Variants in PIK3C2B observed in about 807,000 individuals in gnomAD.
PIK3C2B encodes the protein phosphatidylinositol-4-phosphate 3-kinase catalytic subunit type 2 beta, also known as phosphatidylinositol 4-phosphate 3-kinase C2 domain-containing subunit beta.
A neutral mutation model predicts 184.3 loss-of-function variants in PIK3C2B; 83 were observed. That is an observed-to-expected ratio of 0.45 (90% CI 0.38 to 0.54). The LOEUF is 0.54. Ranked by LOEUF, PIK3C2B falls within the 20% of genes least tolerant of loss-of-function variation. The pLI, the probability that PIK3C2B is intolerant of heterozygous loss-of-function variation, is 0.00. For synonymous variants in PIK3C2B, 779 were observed against 837.6 expected (o/e 0.93, Z 1.21); for missense variants, 1,736 against 2,113.5 (o/e 0.82, Z 3.50).
At chr1:204,486,670 C>A (rs1292926881) in intron 1 of PIK3C2B, among the ~76,000 whole-genome samples, 2 of 152,138 alleles carry the variant, frequency 1.3e-5, no homozygotes, top group African/African-American at 4.8e-5. Flanking sequence ...ACAGAGGTTG[C>A]AATGACCCGA....
Position 204,427,734 on chromosome 1 carries a change from C to A in PIK3C2B, c.4501G>T (p.Val1501Phe). The A allele has an allele frequency of 6.2e-7, 1 of 1,613,764 alleles. No homozygotes were observed. Among genetic ancestry groups the A allele is most frequent in the Non-Finnish European group, 8.5e-7 (1 of 1,179,638 alleles). Residue 1501 changes from valine to phenylalanine, a missense_variant, in exon 31 of 33, where the codon GTC becomes TTC. Transcript: ENST00000684373. ...KSSDGTWARP[V>F]GKVGGEVKLS... ...TTCACCTCCCCTCCCACCTTTCCGA[C>A]GGGCCGGGCCCATGTGCCATCTGTA...
chr1:204,474,507 T>C (rs532751911), intron 1 of PIK3C2B, among the ~76,000 whole-genome samples: 1 of 152,228 alleles, frequency 6.6e-6, no homozygotes, highest in Non-Finnish European at 1.5e-5. Context: ...ACATTGCTGC[T>C]GTATTTGGCT....
intron 1 of PIK3C2B, among the ~76,000 whole-genome samples, chr1:204,484,858 CA>C (rs1011734892): frequency 5.9e-5 from 9 of 151,962 alleles, no homozygotes; most frequent in East Asian, 5.8e-4. Context: ...TAAAAATAAA[CA>C]AACAAGCAAA....
At chr1:204,461,432 C>T (rs971897407) in intron 5 of PIK3C2B, among the ~76,000 whole-genome samples, 2 of 152,156 alleles carry the variant, frequency 1.3e-5, no homozygotes, top group Non-Finnish European at 2.9e-5. Flanking sequence ...GGGAGAACTA[C>T]CTCCAGGCCA....
rs150598616 is a variant in PIK3C2B at position 204,451,827 on chromosome 1, C to T, written c.2067-1810G>A. The stretch of plus-strand genomic sequence containing the variant: ...CTGTCAGTCACTTGGAACAGAGAAA[C>T]CAAAACCAAGAGGGCTCCCCAGCTA... On this transcript the variant is annotated intron_variant, in intron 12 of 32. Coordinates refer to ENST00000684373, the MANE Select transcript of PIK3C2B (RefSeq NM_001377334.1). Among the ~76,000 whole-genome samples the T allele has an allele frequency of 7.6e-4, 115 of 152,298 alleles. No homozygotes were observed. The East Asian group carries it at 0.015, about 20-fold the overall frequency.
rs190343044 is a variant in PIK3C2B, at chr1:204,466,828, C to A, written c.934-1509G>T. ...CCCGATGCTGGCTGGGGGAGTCTGC[C>A]GGGCAGAGGCTGGCAGCAGGGGTAT... On this transcript the variant is annotated intron_variant, in intron 2 of 32. Coordinates refer to ENST00000684373, the MANE Select transcript of PIK3C2B (RefSeq NM_001377334.1). The A allele has an allele frequency of 5.6e-6, 3 of 532,088 alleles. No individual in the cohort carries two copies. The Admixed American group carries it at 5.8e-5, about 10-fold the overall frequency. The allele number at this position is 532,088 out of a possible 1,614,324, so 33.0% of individuals were successfully genotyped here. A position where few individuals can be genotyped will look rare whatever the true frequency, so the allele number is the denominator to read the frequency against.
chr1:204,455,353 C>T (rs1271821016), intron 11 of PIK3C2B, among the ~76,000 whole-genome samples: 1 of 142,050 alleles, frequency 7.0e-6, no homozygotes, highest in South Asian at 2.5e-4. Context: ...CCGGCAGGGG[C>T]GGGGTAGGGC....
chr1:204,454,686 G>A lies in PIK3C2B; in HGVS notation c.2049C>T (p.Leu683=). The part of the protein sequence containing the change: ...RAHFSKYLFH[L]IVWDQQICFP... ...GGGCTTACTGCTGGTCCCAGACGAT[G>A]AGGTGGAAGAGGTACTTGGAGAAGT... is the stretch of plus-strand genomic sequence containing the variant. The change falls in exon 12 of 33, where the codon CTC becomes CTT. Residue 683 remains leucine (L), a synonymous_variant. Coordinates refer to ENST00000684373, the MANE Select transcript of PIK3C2B (RefSeq NM_001377334.1). 1 of 1,612,900 alleles carries A rather than the reference G, an allele frequency of 6.2e-7. No individual in the cohort carries two copies. The highest frequency in any genetic ancestry group is 8.5e-7 in the Non-Finnish European group (1 of 1,179,980).
At chr1:204,454,854 C>A (rs1157364313) in intron 11 of PIK3C2B, 63 bp from the exon 12 acceptor site, 4 of 1,555,078 alleles carry the variant, frequency 2.6e-6, no homozygotes, top group African/African-American at 1.4e-5. Flanking sequence ...CAAACCTATG[C>A]GTCCCTCTAA....
intron 1 of PIK3C2B, among the ~76,000 whole-genome samples, chr1:204,492,447 A>G (rs1450578712): frequency 2.6e-5 from 4 of 152,136 alleles, no homozygotes; most frequent in Non-Finnish European, 5.9e-5. Context: ...CAAGCCCCTA[A>G]AAGGAACAGA....
chr1:204,477,256 G>A (rs1252270195), intron 1 of PIK3C2B, among the ~76,000 whole-genome samples: 3 of 152,190 alleles, frequency 2.0e-5, no homozygotes, highest in Non-Finnish European at 2.9e-5. Flanking sequence ...TCAGTAGGGT[G>A]AGTCCCTGGA....
chr1:204,465,181 TAG>T, intron 3 of PIK3C2B, 36 bp downstream of exon 3: 5 of 622,314 alleles, frequency 8.0e-6, no homozygotes, highest in Admixed American at 1.9e-5. Context: ...CCATCCCCCA[TAG>T]CCCTCCCAAA....
intron 1 of PIK3C2B, among the ~76,000 whole-genome samples, chr1:204,477,569 A>T (rs1449472036): frequency 6.6e-6 from 1 of 152,196 alleles, no homozygotes; most frequent in East Asian, 1.9e-4. Flanking sequence ...GATGGAAAGA[A>T]AGGAGAGGGC....
intron 1 of PIK3C2B, 93 bp from the exon 2 acceptor site, chr1:204,469,979 G>A (rs982761051): frequency 1.7e-6 from 1 of 594,522 alleles, no homozygotes; most frequent in African/African-American, 1.9e-5. Flanking sequence ...ATCTGGGCCA[G>A]TGCCTGCTTC....
Position 204,468,870 on chromosome 1 carries a change from C to G in PIK3C2B, c.933G>C (p.Pro311=). 1 of 1,577,534 alleles carries G rather than the reference C, an allele frequency of 6.3e-7. No homozygotes were observed. The highest frequency in any genetic ancestry group is 8.6e-7 in the Non-Finnish European group (1 of 1,160,876). Residue 311 remains proline, a splice_region_variant and synonymous_variant, in exon 2 of 33, where the codon CCG becomes CCC. Transcript: ENST00000684373. ...AGAAGAAACACAAGAAGGTCCTCAC[C>G]GGGGCTGCAGAAATCCGGCGGTTCT... ...PGKNRRISAA[P]VGSRPHTVAN...
chr1:204,465,461 T>G, intron 2 of PIK3C2B, 142 bp from the exon 3 acceptor site: 1 of 631,314 alleles, frequency 1.6e-6, no homozygotes, highest in Non-Finnish European at 2.9e-6. Context: ...CAAGAACATA[T>G]GGGACATCCG....
At chr1:204,474,791 C>T (rs1022277673) in intron 1 of PIK3C2B, among the ~76,000 whole-genome samples, 1 of 152,072 alleles carries the variant, frequency 6.6e-6, no homozygotes, top group African/African-American at 2.4e-5. Flanking sequence ...CCACTCATAT[C>T]TCAAAATCCA....
chr1:204,464,388 AC>A (rs1655579362), intron 4 of PIK3C2B, 61 bp downstream of exon 4: 2 of 1,509,704 alleles, frequency 1.3e-6, no homozygotes, highest in East Asian at 2.3e-5. Flanking sequence ...TCGAGTCAAA[AC>A]ACAGTCATCC....
At chr1:204,448,105 T>A (rs1230231634) in intron 14 of PIK3C2B, among the ~76,000 whole-genome samples, 1 of 152,134 alleles carries the variant, frequency 6.6e-6, no homozygotes, top group Non-Finnish European at 1.5e-5. Flanking sequence ...AAAAACTTAT[T>A]TATTTATTCA....
Sources: allele counts gnomAD v4.1 joint callset (sites outside exome capture counted in the v4.1 genomes callset), GRCh38; gene constraint gnomAD v4.1.1; transcripts MANE v1.5; gene names NCBI Gene and HGNC (gene_info 2026-07-23, HGNC 2026-07-21).